Variants in PRELID2 observed in about 807,000 individuals in gnomAD.
PRELID2 encodes PRELI domain-containing protein 2.
Under a neutral mutation model 28.4 loss-of-function variants are expected in PRELID2, and 25 were observed. The ratio of observed to expected loss-of-function variants is 0.88; its 90% confidence interval spans 0.64 to 1.23. PRELID2 has a LOEUF of 1.23. Ranked by LOEUF, PRELID2 falls within the 50% of genes most tolerant of loss-of-function variation. The pLI, the probability that PRELID2 is intolerant of heterozygous loss-of-function variation, is 0.00. For synonymous variants in PRELID2, 76 were observed against 71.6 expected, an observed-to-expected ratio of 1.06 and a Z score of -0.31; for missense variants, 201 against 214.4, an observed-to-expected ratio of 0.94 and a Z score of 0.39.
chr5:145,314,279 A>C, the PRELID2 span, among the ~76,000 whole-genome samples: 37,394 of 152,154 alleles, frequency 0.25, 5,579 homozygotes, highest in Non-Finnish European at 0.32. Context: ...TTTCATTTTT[A>C]ATCTCACTCT....
At chr5:145,683,104 G>A (rs550769804) in intron 1 of PRELID2, among the ~76,000 whole-genome samples, 2 of 152,210 alleles carry the variant, frequency 1.3e-5, no homozygotes, top group East Asian at 3.9e-4. Flanking sequence ...GTATTTCTAG[G>A]TAGTACAGAA....
the PRELID2 span, among the ~76,000 whole-genome samples, chr5:145,364,330 CT>C: frequency 4.6e-5 from 7 of 152,056 alleles, no homozygotes; most frequent in Non-Finnish European, 1.0e-4. Context: ...CTATTTGACT[CT>C]AATTTCTAGA....
chr5:145,606,063 C>T (rs1470217188), intron 1 of PRELID2, among the ~76,000 whole-genome samples: 4 of 151,966 alleles, frequency 2.6e-5, no homozygotes, highest in African/African-American at 9.7e-5. Flanking sequence ...CTGTGGCCCT[C>T]AGCTTGGACA....
chr5:145,695,287 G>T (rs759791853), intron 1 of PRELID2, among the ~76,000 whole-genome samples: 1 of 152,148 alleles, frequency 6.6e-6, no homozygotes, highest in Non-Finnish European at 1.5e-5. Context: ...CAGAAGAAGA[G>T]CTGCTTAAGT....
At chr5:145,504,901 T>C (rs1022171605) in intron 1 of PRELID2, among the ~76,000 whole-genome samples, 1 of 152,132 alleles carries the variant, frequency 6.6e-6, no homozygotes, top group Non-Finnish European at 1.5e-5. Context: ...CTCCAAATGG[T>C]TGAACACCAA....
intron 1 of PRELID2, among the ~76,000 whole-genome samples, chr5:145,509,258 G>A (rs563132652): frequency 1.3e-5 from 2 of 152,248 alleles, no homozygotes; most frequent in East Asian, 1.9e-4. Context: ...CTTTCTCGTC[G>A]AAAGCTGCAA....
At chr5:145,707,878 A>C (rs552007792) in intron 1 of PRELID2, among the ~76,000 whole-genome samples, 7 of 152,270 alleles carry the variant, frequency 4.6e-5, no homozygotes, top group African/African-American at 1.7e-4. Flanking sequence ...AGAAGGAGAG[A>C]GAGCCTGGGA....
intron 1 of PRELID2, among the ~76,000 whole-genome samples, chr5:145,624,490 A>C (rs888288421): frequency 1.3e-5 from 2 of 152,190 alleles, no homozygotes; most frequent in African/African-American, 4.8e-5. Context: ...TGGAGATTCC[A>C]AAAGGATTTG....
intron 1 of PRELID2, among the ~76,000 whole-genome samples, chr5:145,507,079 G>C (rs993225358): frequency 6.6e-6 from 1 of 152,112 alleles, no homozygotes; most frequent in Non-Finnish European, 1.5e-5. Flanking sequence ...CATACAGTAA[G>C]GGCTCAATAA....
At chr5:145,262,374 C>A in the PRELID2 span, among the ~76,000 whole-genome samples, 2 of 151,764 alleles carry the variant, frequency 1.3e-5, no homozygotes. Flanking sequence ...ATTGCCTCAG[C>A]ACATAGTCAT....
intron 1 of PRELID2, among the ~76,000 whole-genome samples, chr5:145,829,149 A>G (rs929254040): frequency 1.3e-5 from 2 of 152,018 alleles, no homozygotes; most frequent in Non-Finnish European, 2.9e-5. Flanking sequence ...GATCAACCCA[A>G]CTAGGCCTTG....
chr5:145,627,794 C>T (rs530342532), intron 1 of PRELID2, among the ~76,000 whole-genome samples: 77 of 152,356 alleles, frequency 5.1e-4, no homozygotes, highest in African/African-American at 1.8e-3. Context: ...ATCATGGCCC[C>T]AGGCTACTTC....
At chr5:145,773,694 C>T (rs776778715) in intron 5 of PRELID2, among the ~76,000 whole-genome samples, 36 of 152,210 alleles carry the variant, frequency 2.4e-4, no homozygotes, top group Non-Finnish European at 3.7e-4. Flanking sequence ...CTCAACTGTG[C>T]CCAAGTGAAA....
At chr5:145,504,507 T>C (rs1413834110) in intron 1 of PRELID2, among the ~76,000 whole-genome samples, 2 of 152,202 alleles carry the variant, frequency 1.3e-5, no homozygotes, top group Non-Finnish European at 2.9e-5. Context: ...GTTGTTTTCC[T>C]TGAAATTTCT....
intron 1 of PRELID2, among the ~76,000 whole-genome samples, chr5:145,688,371 T>C (rs1755078706): frequency 1.3e-5 from 2 of 152,208 alleles, no homozygotes; most frequent in African/African-American, 2.4e-5. Flanking sequence ...TGGAGTTTTG[T>C]CCTTACTTCA....
chr5:145,291,623 G>A, the PRELID2 span, among the ~76,000 whole-genome samples: 1 of 152,080 alleles, frequency 6.6e-6, no homozygotes, highest in South Asian at 2.1e-4. Flanking sequence ...AATGAATCCA[G>A]TTCAAATTAC....
chr5:145,396,720 C>T, the PRELID2 span, among the ~76,000 whole-genome samples: 6 of 152,030 alleles, frequency 3.9e-5, no homozygotes, highest in South Asian at 2.1e-4. Context: ...AGGTAAAGTT[C>T]CCTGAGATTC....
chr5:145,706,886 T>C (rs922276145), intron 1 of PRELID2, among the ~76,000 whole-genome samples: 84 of 152,200 alleles, frequency 5.5e-4, no homozygotes, highest in African/African-American at 1.9e-3. Context: ...TTCAATCACA[T>C]GCCTGGACTT....
At chr5:145,728,757 T>C in intron 1 of PRELID2, 1 of 1,423,412 alleles carries the variant, frequency 7.0e-7, no homozygotes, top group Non-Finnish European at 9.9e-7. Context: ...TGTGAAGGCT[T>C]CATTTTGTTT....
Sources: allele counts gnomAD v4.1 joint callset (sites outside exome capture counted in the v4.1 genomes callset), GRCh38; gene constraint gnomAD v4.1.1; transcripts MANE v1.5; gene names NCBI Gene and HGNC (gene_info 2026-07-23, HGNC 2026-07-21).